GCHFR: variants seen among roughly 807,000 people sequenced by gnomAD.
GCHFR encodes the protein GTP cyclohydrolase 1 feedback regulatory protein.
GCHFR carries 12 observed loss-of-function variants against 10.6 expected under a neutral mutation model. That is an observed-to-expected ratio of 1.13 (90% CI 0.72 to 1.83). GCHFR has a LOEUF of 1.83. GCHFR is among the 40% of genes most tolerant of loss of function. GCHFR has a pLI of 0.00. For missense variants in GCHFR, 116 were observed against 110.6 expected (o/e 1.05, Z -0.22); for synonymous variants, 54 against 43.7 (o/e 1.24, Z -0.93).
intron 1 of GCHFR, 46 bp from the exon 2 acceptor site, chr15:40,765,781 C>A: frequency 1.0e-6 from 1 of 993,978 alleles, no homozygotes; most frequent in Non-Finnish European, 1.5e-6. Flanking sequence ...GACCTTCCAC[C>A]TCCTCCTGGC....
chr15:40,764,560 C>A, intron 1 of GCHFR: 1 of 316,092 alleles, frequency 3.2e-6, no homozygotes. Context: ...GTGCCCTGCA[C>A]AGAGCCGCTC....
chr15:40,765,586 A>C (rs1211577508), intron 1 of GCHFR: 1 of 332,196 alleles, frequency 3.0e-6, no homozygotes, highest in Non-Finnish European at 5.4e-6. Context: ...TAGGCTCGTG[A>C]TACTTTGCCT....
intron 2 of GCHFR, 40 bp downstream of exon 2, chr15:40,765,961 C>T (rs1216393684): frequency 9.4e-7 from 1 of 1,067,794 alleles, no homozygotes; most frequent in South Asian, 1.5e-5. Context: ...CCCTGCCAGC[C>T]CCTAGACCTG....
rs747249186 is a variant in GCHFR, at chr15:40,767,650, G to A, written c.*301G>A. 1.2e-4 allele frequency: 68 copies of A among 581,784 alleles called. No individual in the cohort carries two copies. The highest frequency in any genetic ancestry group is 1.7e-4 in the Non-Finnish European group (57 of 343,584). The allele number at this position is 581,784 out of a possible 1,614,324, so 36.0% of individuals were successfully genotyped here. ...CCGGGCCGGAGCTGGGCACTCCAGC[G>A]GCCCTGGCGCGTGGCTCCTGCATAG... On this transcript the variant is annotated 3_prime_UTR_variant, in exon 3 of 3. Coordinates refer to ENST00000260447, the MANE Select transcript of GCHFR (RefSeq NM_005258.3).
chr15:40,764,773 C>T (rs951894018), intron 1 of GCHFR, among the ~76,000 whole-genome samples: 8 of 152,126 alleles, frequency 5.3e-5, no homozygotes, highest in South Asian at 2.1e-4. Flanking sequence ...AAAAGGAAGG[C>T]GAGAAGGGGC....
rs149719928 is a variant in GCHFR, at chr15:40,767,283, G to T, written c.189G>T (p.Arg63Ser). Residue 63 changes from arginine (R) to serine (S), a missense_variant, in exon 3 of 3, where the codon AGG becomes AGT. By Grantham distance (110) the Arg-to-Ser change is moderately radical. Transcript: ENST00000260447. ...TAGTCCTGGACAAGCTGGAACGCAG[G>T]GGCTTCCGTGTGCTGAGCATGACGG... ...PRIVLDKLER[R>S]GFRVLSMTGV... 1.9e-6 allele frequency: 3 copies of T among 1,604,222 alleles called. No homozygotes were observed. The highest frequency in any genetic ancestry group is 2.6e-6 in the Non-Finnish European group (3 of 1,175,476).
In GCHFR at chr15:40,767,258, T is replaced by G. The variant is rs370439455; in HGVS notation, c.164T>G (p.Ile55Arg). ...YEYYVDDPPR[I>R]VLDKLERRGF... The stretch of plus-strand genomic sequence containing the variant: ...TACTACGTCGATGACCCTCCCCGCA[T>G]AGTCCTGGACAAGCTGGAACGCAGG... The change falls in exon 3 of 3, where the codon ATA becomes AGA. Residue 55 changes from isoleucine (I) to arginine (R), a missense_variant. Physicochemically the swap from Ile to Arg is moderately conservative, Grantham distance 97. Transcript: ENST00000260447. 8 of 1,596,114 alleles carry G rather than the reference T, an allele frequency of 5.0e-6. No individual in the cohort carries two copies. Among genetic ancestry groups the G allele is most frequent in the Admixed American group, 1.7e-5 (1 of 57,838 alleles).
At chr15:40,765,590 T>G (rs182571870) in intron 1 of GCHFR, 189 of 338,724 alleles carry the variant, frequency 5.6e-4, no homozygotes, top group Non-Finnish European at 9.1e-4. Flanking sequence ...CTCGTGATAC[T>G]TTGCCTGGCT....
Position 40,767,347 on chromosome 15 carries a change from T to G in GCHFR, c.253T>G (p.Ter85GlyextTer84). 1.3e-6 allele frequency: 2 copies of G among 1,593,364 alleles called. No individual in the cohort carries two copies. Among genetic ancestry groups the G allele is most frequent in the Admixed American group, 1.8e-5 (1 of 56,344 alleles). ...QTLVWCLHKE[*>G] ...GCTGGTGTGGTGTCTGCACAAGGAG[T>G]GACCTTCTCATGCTGATTTGCAGAC... Residue 85 changes from the stop codon to glycine (G), a stop_lost, in exon 3 of 3, where the codon TGA becomes GGA. Coordinates refer to ENST00000260447, the MANE Select transcript of GCHFR (RefSeq NM_005258.3).
At chr15:40,766,957 G>A (rs1888962704) in intron 2 of GCHFR, 1 of 279,268 alleles carries the variant, frequency 3.6e-6, no homozygotes, top group South Asian at 1.4e-4. Flanking sequence ...GGGACGCTGG[G>A]GAACCTGATT....
At chr15:40,764,862 G>A (rs1431297124) in intron 1 of GCHFR, among the ~76,000 whole-genome samples, 1 of 152,240 alleles carries the variant, frequency 6.6e-6, no homozygotes, top group African/African-American at 2.4e-5. Context: ...TCTGTAAAAA[G>A]GTTCTGATTG....
intron 2 of GCHFR, chr15:40,766,467 G>C (rs1420281285): frequency 6.6e-6 from 1 of 152,240 alleles, no homozygotes; most frequent in Non-Finnish European, 1.5e-5. Flanking sequence ...AGCTACACAG[G>C]CTCTCTGAAA....
chr15:40,765,374 T>C (rs1348089873), intron 1 of GCHFR: 1 of 152,454 alleles, frequency 6.6e-6, no homozygotes, highest in Admixed American at 6.5e-5. Context: ...CAGCCCTAGA[T>C]AACCACTAAT....
chr15:40,764,774 G>A (rs983306824), intron 1 of GCHFR, among the ~76,000 whole-genome samples: 1 of 152,222 alleles, frequency 6.6e-6, no homozygotes, highest in East Asian at 1.9e-4. Flanking sequence ...AAAGGAAGGC[G>A]AGAAGGGGCT....
intron 2 of GCHFR, 172 bp downstream of exon 2, chr15:40,766,093 C>T (rs1340715974): frequency 7.0e-6 from 3 of 427,666 alleles, no homozygotes; most frequent in Non-Finnish European, 1.3e-5. Context: ...TCTCCAACAT[C>T]CCCCCTCTCC....
Position 40,767,350 on chromosome 15 carries a change from C to A in GCHFR, c.*1C>A. 6.3e-7 allele frequency: 1 copy of A among 1,594,842 alleles called. No homozygotes were observed. The highest frequency in any genetic ancestry group is 2.3e-5 in the East Asian group (1 of 43,282). On this transcript the variant is annotated 3_prime_UTR_variant, in exon 3 of 3. Transcript: ENST00000260447. ...GGTGTGGTGTCTGCACAAGGAGTGA[C>A]CTTCTCATGCTGATTTGCAGACGGG...
At chr15:40,767,059 C>A (rs1037205317) in intron 2 of GCHFR, 167 bp from the exon 3 acceptor site, 3 of 548,304 alleles carry the variant, frequency 5.5e-6, no homozygotes, top group Middle Eastern at 2.9e-4. Context: ...CGTGAAGTAC[C>A]TAGAAGGGGA....
Position 40,767,460 on chromosome 15 carries a change from C to A in GCHFR, c.*111C>A. The A allele has an allele frequency of 8.0e-7, 1 of 1,254,990 alleles. No individual in the cohort carries two copies. Among genetic ancestry groups the A allele is most frequent in the South Asian group, 1.5e-5 (1 of 64,542 alleles). The allele number at this position is 1,254,990 out of a possible 1,614,324, so 77.7% of individuals were successfully genotyped here. On this transcript the variant is annotated 3_prime_UTR_variant, in exon 3 of 3. Coordinates refer to ENST00000260447, the MANE Select transcript of GCHFR (RefSeq NM_005258.3). The stretch of plus-strand genomic sequence containing the variant: ...CCTTGCTCCTCTCTTCCCAAATCAT[C>A]ACCGCCATGGGCCCAGCCCCAAAGG...
At chr15:40,764,852 T>C (rs1259264304) in intron 1 of GCHFR, among the ~76,000 whole-genome samples, 1 of 152,192 alleles carries the variant, frequency 6.6e-6, no homozygotes, top group African/African-American at 2.4e-5. Flanking sequence ...AGTTTCCTTA[T>C]CTGTAAAAAG....
Sources: allele counts gnomAD v4.1 joint callset (sites outside exome capture counted in the v4.1 genomes callset), GRCh38; gene constraint gnomAD v4.1.1; transcripts MANE v1.5; gene names NCBI Gene and HGNC (gene_info 2026-07-23, HGNC 2026-07-21).